TRAF1: variants seen among roughly 807,000 people sequenced by gnomAD.
TRAF1 encodes the protein TNF receptor-associated factor 1.
TRAF1 carries 23 observed loss-of-function variants against 40.9 expected under a neutral mutation model. The observed-to-expected ratio is 0.56, with a 90% CI of 0.40 to 0.80. The LOEUF (loss-of-function observed/expected upper bound fraction) is 0.80, where lower values mean the gene tolerates loss of function less well. Among genes scored for constraint, TRAF1 ranks in the 30% least tolerant of loss-of-function variants. TRAF1 has a pLI of 0.00. For synonymous variants in TRAF1, 206 were observed against 218.8 expected (o/e 0.94, Z 0.52); for missense variants, 477 against 528.7 (o/e 0.90, Z 0.96).
chr9:120,920,582 A>G (rs1475035758), intron 3 of TRAF1, among the ~76,000 whole-genome samples: 1 of 152,222 alleles, frequency 6.6e-6, no homozygotes, highest in Non-Finnish European at 1.5e-5. Context: ...ACTGAAGATT[A>G]TCTCCAGCCC....
intron 7 of TRAF1, 36 bp from the exon 8 acceptor site, chr9:120,905,274 C>G (rs373197541): frequency 6.4e-7 from 1 of 1,566,470 alleles, no homozygotes; most frequent in East Asian, 2.4e-5. Context: ...TCAGGCCCTA[C>G]AGCAGCAGCG....
At chr9:120,913,859 C>T in intron 4 of TRAF1, 121 bp from the exon 5 acceptor site, 1 of 1,195,222 alleles carries the variant, frequency 8.4e-7, no homozygotes, top group Non-Finnish European at 1.2e-6. Context: ...AAAGGAGTGG[C>T]TTTCTGTACA....
At chr9:120,905,729 T>C (rs865823746) in intron 7 of TRAF1, among the ~76,000 whole-genome samples, 1 of 152,198 alleles carries the variant, frequency 6.6e-6, no homozygotes, top group African/African-American at 2.4e-5. Flanking sequence ...TCCTGAGACA[T>C]TTGTGGAGCT....
intron 7 of TRAF1, 87 bp from the exon 8 acceptor site, chr9:120,905,325 C>T (rs1410165622): frequency 1.5e-6 from 2 of 1,349,006 alleles, no homozygotes; most frequent in Non-Finnish European, 2.0e-6. Context: ...CTGTGCTCCA[C>T]ACCTACTGCC....
intron 3 of TRAF1, among the ~76,000 whole-genome samples, chr9:120,917,290 G>A (rs2046575787): frequency 6.6e-6 from 1 of 152,152 alleles, no homozygotes; most frequent in African/African-American, 2.4e-5. Flanking sequence ...TCCTTAGAGT[G>A]CACGGGAGTT....
At chr9:120,907,757 A>T (rs2046493592) in intron 7 of TRAF1, among the ~76,000 whole-genome samples, 1 of 152,222 alleles carries the variant, frequency 6.6e-6, no homozygotes, top group Non-Finnish European at 1.5e-5. Context: ...ACCTCCTCCC[A>T]GAAGTTTTCC....
chr9:120,926,686 C>A lies in TRAF1; in HGVS notation c.-363G>T, dbSNP rs1358687513. 1 of 152,220 alleles carries A rather than the reference C, an allele frequency of 6.6e-6. No homozygotes were observed. The highest frequency in any genetic ancestry group is 2.4e-5 in the African/African-American group (1 of 41,430). The allele number at this position is 152,220 out of a possible 1,614,324, so 9.4% of individuals were successfully genotyped here. ...TCCTCACAGTGGGTTCTGATGACTC[C>A]ATCTGTAAAAAAGAAGTTGCAACAG... On this transcript the variant is annotated 5_prime_UTR_variant, in exon 1 of 8. The change abolishes an upstream ATG in the 5' untranslated region. Transcript: ENST00000373887.
intron 3 of TRAF1, chr9:120,914,547 A>C (rs1043653016): frequency 4.2e-5 from 48 of 1,149,192 alleles, no homozygotes; most frequent in Non-Finnish European, 4.9e-5. Context: ...CTGTCAGGGC[A>C]CAGTCCACAC....
rs1303282037 is a variant in TRAF1, at chr9:120,909,302, G to C, written c.960C>G (p.Thr320=). The C allele has an allele frequency of 6.2e-7, 1 of 1,614,158 alleles. No homozygotes were observed. The highest frequency in any genetic ancestry group is 8.5e-7 in the Non-Finnish European group (1 of 1,180,036). The change falls in exon 7 of 8, where the codon ACC becomes ACG. Residue 320 remains threonine, a synonymous_variant. Coordinates refer to ENST00000373887, the MANE Select transcript of TRAF1 (RefSeq NM_005658.5). ...YLNGDGTGKR[T]HLSLFIVIMR... is the part of the protein sequence containing the mutation. The stretch of plus-strand genomic sequence containing the variant: ...TGATCACGATGAAGAGCGACAGATG[G>C]GTTCTCTTTCCAGTGCCATCTCCAT...
chr9:120,911,616 A>G, intron 5 of TRAF1, 103 bp from the exon 6 acceptor site: 3 of 1,330,258 alleles, frequency 2.3e-6, no homozygotes, highest in Non-Finnish European at 3.1e-6. Flanking sequence ...TGTTTTGCTG[A>G]CCACGCCTCA....
chr9:120,927,258 C>T (rs1486830704), upstream of TRAF1: 4 of 152,188 alleles, frequency 2.6e-5, no homozygotes, highest in Non-Finnish European at 5.9e-5. Flanking sequence ...AATCCCTACA[C>T]ATCTTTCCAT....
chr9:120,907,470 G>A (rs2046491778), intron 7 of TRAF1, among the ~76,000 whole-genome samples: 1 of 152,164 alleles, frequency 6.6e-6, no homozygotes, highest in African/African-American at 2.4e-5. Flanking sequence ...ACTCCTCTAA[G>A]TAAACTCCTT....
rs2046460170 is a variant in TRAF1, at chr9:120,904,037, T to C, written c.*983A>G. The C allele has an allele frequency of 2.0e-5, 3 of 152,292 alleles. No homozygotes were observed. The South Asian group carries it at 6.2e-4, about 32-fold the overall frequency. 9.4% of individuals were successfully genotyped at this position (152,292 alleles called of 1,614,324 possible). A position where few individuals can be genotyped will look rare whatever the true frequency, so the allele number is the denominator to read the frequency against. On this transcript the variant is annotated 3_prime_UTR_variant, in exon 8 of 8. Coordinates refer to ENST00000373887, the MANE Select transcript of TRAF1 (RefSeq NM_005658.5). ...GGCTTGGAGGTCCTGATCAGTCTGC[T>C]GAAAGAAGTGGATGCCTCAGTTAAT...
chr9:120,919,326 G>C (rs1268087782), intron 3 of TRAF1, among the ~76,000 whole-genome samples: 1 of 152,208 alleles, frequency 6.6e-6, no homozygotes, highest in African/African-American at 2.4e-5. Context: ...TGGGTCTGAG[G>C]AGTCTCTGCG....
Position 120,913,546 on chromosome 9 carries a change from C to A in TRAF1, c.487G>T (p.Asp163Tyr). The A allele has an allele frequency of 1.2e-6, 2 of 1,613,538 alleles. No individual in the cohort carries two copies. Among genetic ancestry groups the A allele is most frequent in the Non-Finnish European group, 1.7e-6 (2 of 1,179,860 alleles). The change falls in exon 5 of 8, where the codon GAT becomes TAT. Residue 163 changes from aspartate (D) to tyrosine (Y), a missense_variant. Coordinates refer to ENST00000373887, the MANE Select transcript of TRAF1 (RefSeq NM_005658.5). ...AVEVAGDLEVDCYRAPCSESQ... is the reference protein window; with the variant it reads ...AVEVAGDLEVYCYRAPCSESQ... ...TCGGAGCAGGGTGCCCGGTAGCAAT[C>A]GACCTCCAGGTCCCCCGCCACTTCC...
At chr9:120,924,870 C>T (rs1307608687) in intron 2 of TRAF1, among the ~76,000 whole-genome samples, 5 of 152,236 alleles carry the variant, frequency 3.3e-5, no homozygotes, top group African/African-American at 9.6e-5. Context: ...CTCTTCAGGA[C>T]TTAGGCCTCA....
At chr9:120,916,477 A>T (rs1034860340) in intron 3 of TRAF1, among the ~76,000 whole-genome samples, 10 of 151,392 alleles carry the variant, frequency 6.6e-5, no homozygotes, top group South Asian at 2.1e-4. Flanking sequence ...TTATTTATTT[A>T]TTTTTTTTTG....
chr9:120,922,643 C>G (rs943006982), intron 3 of TRAF1, among the ~76,000 whole-genome samples: 5 of 152,140 alleles, frequency 3.3e-5, no homozygotes. Flanking sequence ...TTCCTAGAAG[C>G]ACCGTTTGAC....
At chr9:120,907,144 G>T (rs988753109) in intron 7 of TRAF1, among the ~76,000 whole-genome samples, 7 of 152,234 alleles carry the variant, frequency 4.6e-5, no homozygotes, top group Non-Finnish European at 8.8e-5. Context: ...TTACAGGCGA[G>T]AGCCTCTGTG....
Sources: allele counts gnomAD v4.1 joint callset (sites outside exome capture counted in the v4.1 genomes callset), GRCh38; gene constraint gnomAD v4.1.1; transcripts MANE v1.5; gene names NCBI Gene and HGNC (gene_info 2026-07-23, HGNC 2026-07-21).